TASP1: variants seen among roughly 807,000 people sequenced by gnomAD.
The protein encoded by TASP1 is taspase 1, also known as threonine aspartase 1.
TASP1 carries 16 observed loss-of-function variants against 56.6 expected under a neutral mutation model. That is an observed-to-expected ratio of 0.28 (90% CI 0.19 to 0.43). TASP1 has a LOEUF of 0.43. TASP1 is among the 20% of genes least tolerant of loss of function. The pLI is 1.00. For synonymous variants in TASP1, 179 were observed against 184.2 expected (o/e 0.97, Z 0.23); for missense variants, 393 against 511.6 (o/e 0.77, Z 2.24).
At chr20:13,554,281 AAT>A (rs1365321105) in intron 8 of TASP1, among the ~76,000 whole-genome samples, 1 of 152,218 alleles carries the variant, frequency 6.6e-6, no homozygotes, top group African/African-American at 2.4e-5. Flanking sequence ...CAAGGGGACA[AAT>A]ATGCATTTCT....
At chr20:13,136,140 A>T in the TASP1 span, among the ~76,000 whole-genome samples, 1 of 152,192 alleles carries the variant, frequency 6.6e-6, no homozygotes, top group African/African-American at 2.4e-5. Context: ...AAAGTCACAC[A>T]TGTCCCTCTC....
At chr20:13,469,855 C>T (rs552656905) in intron 11 of TASP1, among the ~76,000 whole-genome samples, 56 of 108,490 alleles carry the variant, frequency 5.2e-4, no homozygotes, top group African/African-American at 1.9e-3. Context: ...GTTGCCCAGG[C>T]TAGAATGCAG....
At chr20:13,270,572 G>A in the TASP1 span, 1 of 1,613,926 alleles carries the variant, frequency 6.2e-7, no homozygotes, top group Non-Finnish European at 8.5e-7. Flanking sequence ...AAGCACCAAG[G>A]GAGCATCTGG....
the TASP1 span, among the ~76,000 whole-genome samples, chr20:13,334,225 C>T: frequency 3.2e-4 from 49 of 152,188 alleles, no homozygotes; most frequent in African/African-American, 1.1e-3. Flanking sequence ...TCACTAGAAC[C>T]ACAGGTCATA....
intron 6 of TASP1, among the ~76,000 whole-genome samples, chr20:13,570,646 T>C (rs779981931): frequency 1.4e-4 from 21 of 151,978 alleles, no homozygotes; most frequent in Non-Finnish European, 2.4e-4. Flanking sequence ...CTATTTTAAA[T>C]AGAGAGGAGA....
chr20:13,283,359 C>T, the TASP1 span, among the ~76,000 whole-genome samples: 1 of 152,128 alleles, frequency 6.6e-6, no homozygotes, highest in South Asian at 2.1e-4. Flanking sequence ...CGTGCAGCCT[C>T]GTCTGAGACA....
the TASP1 span, among the ~76,000 whole-genome samples, chr20:13,247,006 C>T: frequency 5.3e-5 from 8 of 152,088 alleles, no homozygotes; most frequent in East Asian, 9.7e-4. Flanking sequence ...GAGGCTGAGG[C>T]GGGTGGATCA....
the TASP1 span, among the ~76,000 whole-genome samples, chr20:13,230,353 C>G: frequency 1.3e-5 from 2 of 152,144 alleles, no homozygotes; most frequent in Admixed American, 6.5e-5. Flanking sequence ...CAAGAAACTT[C>G]TCCTGTAGAA....
At chr20:13,432,531 A>G (rs1158983283) in intron 12 of TASP1, among the ~76,000 whole-genome samples, 1 of 152,222 alleles carries the variant, frequency 6.6e-6, no homozygotes, top group African/African-American at 2.4e-5. Context: ...ACTTTTATAG[A>G]AAGTTCACAT....
intron 6 of TASP1, among the ~76,000 whole-genome samples, chr20:13,574,016 T>C (rs2046811607): frequency 6.6e-6 from 1 of 151,938 alleles, no homozygotes; most frequent in Non-Finnish European, 1.5e-5. Flanking sequence ...GAGAGTACGC[T>C]AGAGATCTGC....
the TASP1 span, among the ~76,000 whole-genome samples, chr20:13,333,592 T>C: frequency 1.3e-5 from 2 of 152,340 alleles, no homozygotes; most frequent in Admixed American, 6.5e-5. Context: ...TGATGTTTCA[T>C]ACCTAAGCTA....
At chr20:13,603,462 A>G (rs149111608) in intron 4 of TASP1, among the ~76,000 whole-genome samples, 13 of 152,230 alleles carry the variant, frequency 8.5e-5, no homozygotes, top group African/African-American at 3.1e-4. Flanking sequence ...GGATCGATTG[A>G]GCCTAGGAGG....
the TASP1 span, among the ~76,000 whole-genome samples, chr20:13,145,982 T>A: frequency 6.6e-6 from 1 of 152,232 alleles, no homozygotes; most frequent in South Asian, 2.1e-4. Context: ...ATGCGAATGT[T>A]CCTTGCAGCA....
intron 10 of TASP1, among the ~76,000 whole-genome samples, chr20:13,488,749 T>C (rs2043417024): frequency 6.6e-6 from 1 of 152,110 alleles, no homozygotes; most frequent in Non-Finnish European, 1.5e-5. Flanking sequence ...ATTGGAATCA[T>C]CTCATTCCTA....
intron 11 of TASP1, among the ~76,000 whole-genome samples, chr20:13,463,816 T>C (rs963957811): frequency 2.0e-5 from 3 of 152,058 alleles, no homozygotes; most frequent in Admixed American, 2.0e-4. Flanking sequence ...CACATACCCA[T>C]TAGGATGGCT....
chr20:13,379,999 C>T, the TASP1 span, among the ~76,000 whole-genome samples: 1 of 152,118 alleles, frequency 6.6e-6, no homozygotes, highest in Non-Finnish European at 1.5e-5. Context: ...TCTTAGCTTC[C>T]TATCATTGGG....
chr20:13,311,243 T>TAGATAGATGATAGATAGATA, the TASP1 span, among the ~76,000 whole-genome samples: 72 of 127,918 alleles, frequency 5.6e-4, no homozygotes, highest in Admixed American at 3.4e-3. Flanking sequence ...GATAGATAGA[T>TAGATAGATGATAGATAGATA]GATAGATAGA....
intron 4 of TASP1, among the ~76,000 whole-genome samples, chr20:13,591,818 A>C (rs1331109128): frequency 2.0e-5 from 3 of 152,192 alleles, no homozygotes; most frequent in African/African-American, 7.2e-5. Flanking sequence ...GTGAGGAATG[A>C]ATGGAAGTGT....
intron 13 of TASP1, among the ~76,000 whole-genome samples, chr20:13,409,027 T>C (rs2042013001): frequency 6.6e-6 from 1 of 152,102 alleles, no homozygotes. Context: ...TAAAGCTTCT[T>C]AAGATGATAG....
Sources: gnomAD v4.1 joint callset for allele counts (sites outside exome capture counted in the v4.1 genomes callset) on GRCh38, gnomAD v4.1.1 for gene constraint, MANE v1.5 for transcripts, NCBI Gene and HGNC (gene_info 2026-07-23, HGNC 2026-07-21) for gene names.